Variants in FCAMR observed in about 807,000 individuals in gnomAD.
FCAMR encodes the protein Fc alpha and mu receptor.
Under a neutral mutation model 52.2 loss-of-function variants are expected in FCAMR, and 51 were observed. That is an observed-to-expected ratio of 0.98 (90% confidence interval 0.78 to 1.23). The LOEUF (loss-of-function observed/expected upper bound fraction) is 1.23, where lower values mean the gene tolerates loss of function less well. Ranked by LOEUF, FCAMR falls within the 50% of genes most tolerant of loss-of-function variation. FCAMR has a pLI of 0.00. For synonymous variants in FCAMR, 282 were observed against 262.0 expected (o/e 1.08, Z -0.74); for missense variants, 719 against 712.6 (o/e 1.01, Z -0.10).
chr1:206,962,646 C>G, intron 4 of FCAMR, 95 bp from the exon 5 acceptor site: 1 of 1,041,048 alleles, frequency 9.6e-7, no homozygotes, highest in Non-Finnish European at 1.3e-6. Flanking sequence ...AATTAGGGGT[C>G]AAGTCAGAAA....
rs1391711733 is a variant in FCAMR at position 206,960,773 on chromosome 1, G to C, written c.1103C>G (p.Ala368Gly). The part of the protein sequence containing the change: ...DIEGVRIALD[A>G]AKKVLGTIGP... ...AATGGTTCCTAGGACCTTTTTGGCT[G>C]CATCAAGAGCTATCCTGACCCCCTC... The change falls in exon 6 of 8, where the codon GCA (alanine) becomes GGA (glycine). Residue 368 changes from alanine (A) to glycine (G), a missense_variant. Transcript: ENST00000324852. 6.4e-7 allele frequency: 1 copy of C among 1,552,392 alleles called. No individual in the cohort carries two copies. The highest frequency in any genetic ancestry group is 8.7e-7 in the Non-Finnish European group (1 of 1,147,144).
In FCAMR at chr1:206,965,712, T is replaced by C. The variant is rs373848712; in HGVS notation, c.313+3A>G. The C allele has an allele frequency of 1.9e-6, 3 of 1,564,436 alleles. No homozygotes were observed. In the African/African-American group the frequency reaches 4.2e-5, roughly 22 times the overall value. The stretch of plus-strand genomic sequence containing the variant: ...TCGAACAAAGGGAGAGTAGGGGTTG[T>C]ACCTGCAAAGGAGCTCTCCTCCCGC... On this transcript the variant is annotated splice_donor_region_variant and intron_variant, in intron 4 of 7. Transcript: ENST00000324852.
chr1:206,958,110 C>T lies in FCAMR; in HGVS notation c.*406G>A, dbSNP rs1680322967. ...AAGGCTGGTACACTTAAATATAATACATGTGAATGGGAGGCTGAGTGCTAA... is the reference window on the plus strand; with the variant it reads ...AAGGCTGGTACACTTAAATATAATATATGTGAATGGGAGGCTGAGTGCTAA... On this transcript the variant is annotated 3_prime_UTR_variant, in exon 8 of 8. Transcript: ENST00000324852. The T allele has an allele frequency of 6.2e-6, 1 of 161,864 alleles. No homozygotes were observed. Among genetic ancestry groups the T allele is most frequent in the South Asian group, 1.9e-4 (1 of 5,230 alleles). The allele number at this position is 161,864 out of a possible 1,614,324, so 10.0% of individuals were successfully genotyped here.
At chr1:206,963,480 T>C (rs1205828231) in intron 4 of FCAMR, among the ~76,000 whole-genome samples, 1 of 152,184 alleles carries the variant, frequency 6.6e-6, no homozygotes, top group African/African-American at 2.4e-5. Flanking sequence ...TCATGTATAG[T>C]AGCTTTCTTT....
intron 1 of FCAMR, 38 bp downstream of exon 1, chr1:206,970,049 G>A: frequency 1.2e-6 from 2 of 1,613,414 alleles, no homozygotes; most frequent in Non-Finnish European, 1.7e-6. Flanking sequence ...CACATTCAGA[G>A]GCAAGATCCC....
intron 5 of FCAMR, 71 bp downstream of exon 5, chr1:206,962,142 G>A: frequency 6.7e-7 from 1 of 1,486,278 alleles, no homozygotes; most frequent in African/African-American, 1.4e-5. Context: ...GGGTCTCTGA[G>A]GCTTCTCTCC....
rs977980801 is a variant in FCAMR at position 206,960,760 on chromosome 1, G to T, written c.1116C>A (p.Val372=). ...VRIALDAAKK[V]LGTIGPPALV... ...GAGCTGGTGGCCCAATGGTTCCTAG[G>T]ACCTTTTTGGCTGCATCAAGAGCTA... Residue 372 remains valine, a synonymous_variant, in exon 6 of 8, where the codon GTC becomes GTA. Coordinates refer to ENST00000324852, the MANE Select transcript of FCAMR (RefSeq NM_001170631.2). 11 of 1,552,258 alleles carry T rather than the reference G, an allele frequency of 7.1e-6. No individual in the cohort carries two copies. Among genetic ancestry groups the T allele is most frequent in the Non-Finnish European group, 9.6e-6 (11 of 1,147,160 alleles).
intron 1 of FCAMR, 64 bp from the exon 2 acceptor site, chr1:206,967,715 C>A: frequency 6.9e-7 from 1 of 1,458,232 alleles, no homozygotes; most frequent in Non-Finnish European, 9.6e-7. Flanking sequence ...TAGTATGCCT[C>A]GGTTAGTAAC....
Position 206,967,630 on chromosome 1 carries a change from C to T in FCAMR, c.61G>A (p.Glu21Lys). The change falls in exon 2 of 8, where the codon GAA becomes AAA. Residue 21 changes from glutamate (E) to lysine (K), a missense_variant. Glu to Lys is a moderately conservative substitution (Grantham distance 56, BLOSUM62 1). Coordinates refer to ENST00000324852, the MANE Select transcript of FCAMR (RefSeq NM_001170631.2). ...GCAATGAGCCTGGAGTAGTCCACTTCTCTTCCTCTCCTCACCACTTCCTGT... is the reference window on the plus strand; with the variant it reads ...GCAATGAGCCTGGAGTAGTCCACTTTTCTTCCTCTCCTCACCACTTCCTGT... Reference protein sequence around the residue: ...EQKEVVRRGREVDYSRLIAGT... With the variant: ...EQKEVVRRGRKVDYSRLIAGT... 1.2e-6 allele frequency: 2 copies of T among 1,614,200 alleles called. No homozygotes were observed.
At chr1:206,966,078 G>C (rs1436150470) in intron 3 of FCAMR, among the ~76,000 whole-genome samples, 1 of 152,194 alleles carries the variant, frequency 6.6e-6, no homozygotes, top group Non-Finnish European at 1.5e-5. Context: ...TGGGAGGAGA[G>C]GGGTGGAGAA....
chr1:206,970,440 C>T lies in FCAMR; in HGVS notation c.-315G>A, dbSNP rs1462586026. On this transcript the variant is annotated 5_prime_UTR_variant, in exon 1 of 8. Coordinates refer to ENST00000324852, the MANE Select transcript of FCAMR (RefSeq NM_001170631.2). ...TAGCTTCAAAAAAGAAAACACTGAT[C>T]CATATCCTTCCTCCTCTTGTGTCCC... The T allele has an allele frequency of 2.1e-5, 6 of 285,836 alleles. No homozygotes were observed. 17.7% of individuals were successfully genotyped at this position (285,836 alleles called of 1,614,324 possible). A position where few individuals can be genotyped will look rare whatever the true frequency, so the allele number is the denominator to read the frequency against.
At chr1:206,966,862 G>A (rs538472805) in intron 3 of FCAMR, among the ~76,000 whole-genome samples, 190 bp downstream of exon 3, 10 of 152,272 alleles carry the variant, frequency 6.6e-5, no homozygotes, top group Admixed American at 6.5e-4. Flanking sequence ...TACTCACTAT[G>A]TTCCTCAATG....
At chr1:206,965,032 A>G (rs1680652124) in intron 4 of FCAMR, among the ~76,000 whole-genome samples, 1 of 152,164 alleles carries the variant, frequency 6.6e-6, no homozygotes, top group Admixed American at 6.5e-5. Context: ...CTGTGCTGAT[A>G]CTCACTGTAC....
chr1:206,968,580 A>G (rs1680806893), intron 1 of FCAMR, among the ~76,000 whole-genome samples: 1 of 152,204 alleles, frequency 6.6e-6, no homozygotes, highest in African/African-American at 2.4e-5. Context: ...GGTTTGGCCC[A>G]TGGGCAGAAA....
chr1:206,968,097 T>C (rs994624384), intron 1 of FCAMR, among the ~76,000 whole-genome samples: 12 of 152,174 alleles, frequency 7.9e-5, no homozygotes, highest in Non-Finnish European at 1.5e-4. Context: ...CCCAGCACTT[T>C]GGGAGGCCGA....
chr1:206,958,698 T>A lies in FCAMR; in HGVS notation c.1574-22A>T, dbSNP rs748257958. The A allele has an allele frequency of 1.9e-6, 3 of 1,614,014 alleles. No homozygotes were observed. In the East Asian group the frequency reaches 6.7e-5, roughly 36 times the overall value. ...TGAGCTGCAGAGACACAGAGCAGAC[T>A]GTGAGGGTTCTGGGTAAGGACAGCA... is the stretch of plus-strand genomic sequence containing the variant. On this transcript the variant is annotated intron_variant, in intron 7 of 7. Coordinates refer to ENST00000324852, the MANE Select transcript of FCAMR (RefSeq NM_001170631.2).
At chr1:206,960,039 C>A in intron 6 of FCAMR, 1 of 522,552 alleles carries the variant, frequency 1.9e-6, no homozygotes. Context: ...CGATGCCTCC[C>A]AGTGAGAAAG....
At chr1:206,961,362 G>A (rs765352860) in intron 5 of FCAMR, 139 bp from the exon 6 acceptor site, 4 of 659,246 alleles carry the variant, frequency 6.1e-6, no homozygotes, top group East Asian at 2.8e-5. Context: ...CAATAGGTTG[G>A]ATAAAATAAA....
At position 206,967,077 on chromosome 1, in the gene FCAMR, G is replaced by A; in HGVS notation, c.144C>T (p.Leu48=). 6.2e-7 allele frequency: 1 copy of A among 1,614,046 alleles called. No homozygotes were observed. The highest frequency in any genetic ancestry group is 8.5e-7 in the Non-Finnish European group (1 of 1,180,018). Residue 48 remains leucine (L), a synonymous_variant, in exon 3 of 8, where the codon CTC becomes CTT. Coordinates refer to ENST00000324852, the MANE Select transcript of FCAMR (RefSeq NM_001170631.2). ...CTTGTAGCAGGCACAGTATGAGGAA[G>A]AGGGGCATTTTCCATCCCGCCCTCC... ...TSRRAGWKMP[L]FLILCLLQGS...
Sources: gnomAD v4.1 joint callset for allele counts (sites outside exome capture counted in the v4.1 genomes callset) on GRCh38, gnomAD v4.1.1 for gene constraint, MANE v1.5 for transcripts, NCBI Gene and HGNC (gene_info 2026-07-23, HGNC 2026-07-21) for gene names.